The following HIVEP2 variants were observed in gnomAD, a reference collection of about 807,000 sequenced individuals.
HIVEP2 encodes transcription factor HIVEP2.
Under a neutral mutation model 180.7 loss-of-function variants are expected in HIVEP2, and 14 were observed. That is an observed-to-expected ratio of 0.08 (90% CI 0.05 to 0.12). HIVEP2 has a LOEUF of 0.12. HIVEP2 is among the 10% of genes least tolerant of loss of function. The probability of loss-of-function intolerance (pLI) is 1.00; values close to 1 mark genes in which losing one functional copy is unlikely to be tolerated. For synonymous variants in HIVEP2, 1,184 were observed against 1,136.4 expected, an observed-to-expected ratio of 1.04 and a Z score of -0.84; for missense variants, 2,579 against 3,008.5, an observed-to-expected ratio of 0.86 and a Z score of 3.34.
At chr6:142,921,608 T>C (rs79707672) in intron 1 of HIVEP2, among the ~76,000 whole-genome samples, 2 of 152,232 alleles carry the variant, frequency 1.3e-5, no homozygotes, top group Non-Finnish European at 2.9e-5. Context: ...ATTATCATTA[T>C]GAACTAAAAA....
intron 1 of HIVEP2, among the ~76,000 whole-genome samples, chr6:142,925,447 C>T (rs1258324287): frequency 6.6e-6 from 1 of 152,162 alleles, no homozygotes. Context: ...TAACCCATAA[C>T]TTTGCCACCA....
chr6:142,834,791 G>A (rs528294087), intron 2 of HIVEP2, among the ~76,000 whole-genome samples: 5 of 151,982 alleles, frequency 3.3e-5, no homozygotes, highest in Admixed American at 1.3e-4. Context: ...GGTGGGAGGA[G>A]TTGGGCACAT....
At chr6:142,928,070 A>G (rs1400689723) in intron 1 of HIVEP2, among the ~76,000 whole-genome samples, 2 of 152,216 alleles carry the variant, frequency 1.3e-5, no homozygotes, top group African/African-American at 4.8e-5. Flanking sequence ...AACAATGTAA[A>G]CTATGGACCT....
chr6:142,805,977 G>A (rs1776539729), intron 2 of HIVEP2, among the ~76,000 whole-genome samples: 1 of 152,114 alleles, frequency 6.6e-6, no homozygotes, highest in Non-Finnish European at 1.5e-5. Context: ...TCTCAACACA[G>A]GTTAGAACTA....
chr6:142,781,575 C>A (rs1775862116), intron 3 of HIVEP2, among the ~76,000 whole-genome samples: 1 of 152,180 alleles, frequency 6.6e-6, no homozygotes, highest in African/African-American at 2.4e-5. Flanking sequence ...GCTCATCACA[C>A]TTTTCAGAGG....
At chr6:142,796,110 G>A (rs1776273274) in intron 2 of HIVEP2, among the ~76,000 whole-genome samples, 1 of 152,124 alleles carries the variant, frequency 6.6e-6, no homozygotes, top group Non-Finnish European at 1.5e-5. Context: ...GAACAAAGCA[G>A]TTTTATTGCT....
intron 1 of HIVEP2, among the ~76,000 whole-genome samples, chr6:142,916,580 C>G (rs562256171): frequency 6.6e-6 from 1 of 152,146 alleles, no homozygotes; most frequent in South Asian, 2.1e-4. Flanking sequence ...TCAAGACATC[C>G]GTTTCTCAGA....
At chr6:142,763,371 T>C (rs774487394) in intron 7 of HIVEP2, among the ~76,000 whole-genome samples, 1 of 152,212 alleles carries the variant, frequency 6.6e-6, no homozygotes, top group Non-Finnish European at 1.5e-5. Flanking sequence ...CAACAGGCAT[T>C]TCAGTCGGAG....
intron 2 of HIVEP2, among the ~76,000 whole-genome samples, chr6:142,827,097 CTT>C (rs1338320954): frequency 6.6e-6 from 1 of 152,160 alleles, no homozygotes; most frequent in Non-Finnish European, 1.5e-5. Context: ...TAATTTCTCT[CTT>C]GTTATTCCTG....
intron 2 of HIVEP2, among the ~76,000 whole-genome samples, chr6:142,790,833 T>C (rs530544659): frequency 6.6e-6 from 1 of 152,298 alleles, no homozygotes; most frequent in South Asian, 2.1e-4. Flanking sequence ...GTGGAAATAA[T>C]ACCCAAAGCA....
At chr6:142,784,627 T>G (rs1419605818) in intron 2 of HIVEP2, among the ~76,000 whole-genome samples, 1 of 152,216 alleles carries the variant, frequency 6.6e-6, no homozygotes, top group Non-Finnish European at 1.5e-5. Context: ...CAGATGAATG[T>G]GGGTGGTCAC....
intron 2 of HIVEP2, among the ~76,000 whole-genome samples, chr6:142,816,873 GGTGTGTGT>G (rs34958624): frequency 2.7e-5 from 4 of 148,478 alleles, no homozygotes; most frequent in East Asian, 2.0e-4. Flanking sequence ...AGCACCAGAG[GGTGTGTGT>G]GTGTGTGTGT....
intron 7 of HIVEP2, among the ~76,000 whole-genome samples, chr6:142,761,995 C>T (rs1017763276): frequency 3.9e-5 from 6 of 152,216 alleles, no homozygotes; most frequent in African/African-American, 1.4e-4. Context: ...AACACACCCA[C>T]TGGGCCCCTG....
Position 142,858,024 on chromosome 6 carries a change from C to A in HIVEP2, c.-640-20977G>T, listed in dbSNP as rs374021798. Among the ~76,000 whole-genome samples, 7 of 152,192 alleles carry A rather than the reference C, an allele frequency of 4.6e-5. No homozygotes were observed. The East Asian group carries it at 1.4e-3, about 29-fold the overall frequency. On this transcript the variant is annotated intron_variant, in intron 1 of 9. Transcript: ENST00000367603. The stretch of plus-strand genomic sequence containing the variant: ...CAGGGATGCTGCAGCTGACCTAGGG[C>A]GACAGGTGGTTGGGGGAAGAGAGGC...
intron 2 of HIVEP2, among the ~76,000 whole-genome samples, chr6:142,806,724 A>G (rs149026519): frequency 2.0e-5 from 3 of 152,340 alleles, no homozygotes; most frequent in African/African-American, 7.2e-5. Context: ...CTGTCTATCT[A>G]AGACATTAAA....
chr6:142,896,914 T>C (rs972199326), intron 1 of HIVEP2, among the ~76,000 whole-genome samples: 1 of 152,184 alleles, frequency 6.6e-6, no homozygotes, highest in Non-Finnish European at 1.5e-5. Context: ...TCTTATTCTA[T>C]CATCTCACTC....
intron 2 of HIVEP2, among the ~76,000 whole-genome samples, chr6:142,797,285 C>T (rs1332963827): frequency 6.6e-6 from 1 of 152,108 alleles, no homozygotes; most frequent in East Asian, 1.9e-4. Context: ...CATTAAACTT[C>T]ATCTATCCAA....
At chr6:142,945,488 T>C (rs1778304383), upstream of HIVEP2, among the ~76,000 whole-genome samples, 1 of 151,800 alleles carries the variant, frequency 6.6e-6, no homozygotes. The surrounding 1 kb of genome is among the most constrained non-coding windows in gnomAD (Gnocchi z 5.5). Context: ...CCAGGCCACT[T>C]ACCGAGCCGA....
intron 1 of HIVEP2, among the ~76,000 whole-genome samples, chr6:142,879,484 C>T (rs1486482092): frequency 6.6e-6 from 1 of 152,124 alleles, no homozygotes; most frequent in African/African-American, 2.4e-5. Flanking sequence ...CCTCTTGAGC[C>T]CTCCACTAGC....
Sources: gnomAD v4.1 joint callset for allele counts (sites outside exome capture counted in the v4.1 genomes callset) on GRCh38, gnomAD v4.1.1 for gene constraint, Gnocchi (gnomAD v3.1) non-coding constraint, MANE v1.5 for transcripts, NCBI Gene and HGNC (gene_info 2026-07-23, HGNC 2026-07-21) for gene names.